BPTF: variants seen among roughly 807,000 people sequenced by gnomAD.
BPTF encodes the protein nucleosome-remodeling factor subunit BPTF.
Under a neutral mutation model 292.5 loss-of-function variants are expected in BPTF, and 18 were observed. The observed-to-expected ratio is 0.06, with a 90% CI of 0.04 to 0.09. The LOEUF is 0.09. Ranked by LOEUF, BPTF falls within the 10% of genes least tolerant of loss-of-function variation. BPTF has a pLI of 1.00. For missense variants in BPTF, 2,726 were observed against 3,498.7 expected, an observed-to-expected ratio of 0.78 and a Z score of 5.57; for synonymous variants, 1,225 against 1,251.9, an observed-to-expected ratio of 0.98 and a Z score of 0.45.
In BPTF at chr17:67,982,363, A is replaced by G; in HGVS notation, c.*75A>G. ...GAACTATTTTAAATTAAGGAGCCAG[A>G]TGTTTTTAGTCAGGCTATCCTGACA... On this transcript the variant is annotated 3_prime_UTR_variant, in exon 28 of 28. Transcript: ENST00000306378. 1.1e-5 allele frequency: 15 copies of G among 1,396,696 alleles called. No homozygotes were observed. The South Asian group carries it at 1.7e-4, about 16-fold the overall frequency. 86.5% of individuals were successfully genotyped at this position (1,396,696 alleles called of 1,614,324 possible).
intron 27 of BPTF, among the ~76,000 whole-genome samples, chr17:67,978,218 G>A (rs536740060): frequency 6.6e-6 from 1 of 151,736 alleles, no homozygotes; most frequent in Non-Finnish European, 1.5e-5. Context: ...GAACTCCTGA[G>A]CTCAAGCGAT....
chr17:67,969,830 G>T (rs148438779), intron 26 of BPTF, among the ~76,000 whole-genome samples: 386 of 152,164 alleles, frequency 2.5e-3, no homozygotes, highest in African/African-American at 9.1e-3. Context: ...GGAGGCTGAG[G>T]CAGGAGAATC....
At chr17:67,914,781 C>G (rs549798016) in intron 11 of BPTF, among the ~76,000 whole-genome samples, 9 of 152,246 alleles carry the variant, frequency 5.9e-5, no homozygotes, top group African/African-American at 2.2e-4. Flanking sequence ...ATTTCTGGAG[C>G]TGAATTTCAT....
intron 15 of BPTF, among the ~76,000 whole-genome samples, chr17:67,927,920 G>A (rs1255087363): frequency 6.6e-6 from 1 of 151,702 alleles, no homozygotes; most frequent in East Asian, 1.9e-4. Flanking sequence ...GAGTCACTCT[G>A]TCACCCAGGC....
intron 15 of BPTF, among the ~76,000 whole-genome samples, chr17:67,927,041 G>T (rs749852337): frequency 1.3e-5 from 2 of 152,094 alleles, no homozygotes; most frequent in African/African-American, 4.8e-5. Context: ...AGGTATATAG[G>T]ATAGGTACAA....
chr17:67,842,755 A>G (rs1246681642), intron 1 of BPTF, among the ~76,000 whole-genome samples: 3 of 149,820 alleles, frequency 2.0e-5, no homozygotes, highest in Non-Finnish European at 4.4e-5. Flanking sequence ...TCTTTAAAGT[A>G]CTGAGAGAAA....
At chr17:67,920,438 C>T (rs1476643291) in intron 13 of BPTF, among the ~76,000 whole-genome samples, 1 of 152,166 alleles carries the variant, frequency 6.6e-6, no homozygotes. Flanking sequence ...GCAGCCATCT[C>T]GTCTGTCTGG....
intron 11 of BPTF, among the ~76,000 whole-genome samples, chr17:67,917,966 C>A (rs1046056716): frequency 6.6e-6 from 1 of 152,144 alleles, no homozygotes; most frequent in Non-Finnish European, 1.5e-5. Context: ...CACCCACCAC[C>A]GCGCCTGGCT....
Position 67,904,014 on chromosome 17 carries a change from T to C in BPTF, c.2673+96T>C, listed in dbSNP as rs576885985. Reference sequence around the variant, plus strand: ...CTTACTAATTTTATTTTTGACATAGTCTTTGTATTTTATTTATTTATTTAT... The same window carrying C: ...CTTACTAATTTTATTTTTGACATAGCCTTTGTATTTTATTTATTTATTTAT... On this transcript the variant is annotated intron_variant, in intron 8 of 27. Transcript: ENST00000306378. The C allele has an allele frequency of 2.5e-3, 2,662 of 1,067,936 alleles. 76 individuals are homozygous for C. The South Asian group carries it at 0.039, about 16-fold the overall frequency. The allele number at this position is 1,067,936 out of a possible 1,614,324, so 66.2% of individuals were successfully genotyped here.
intron 26 of BPTF, among the ~76,000 whole-genome samples, chr17:67,970,624 G>A (rs1408120391): frequency 1.3e-5 from 2 of 152,036 alleles, no homozygotes; most frequent in African/African-American, 4.8e-5. Flanking sequence ...GAACAATATA[G>A]ACTAAATTGA....
intron 23 of BPTF, among the ~76,000 whole-genome samples, chr17:67,957,691 G>C (rs1555681718): frequency 6.6e-6 from 1 of 152,160 alleles, no homozygotes; most frequent in African/African-American, 2.4e-5. Context: ...AACACAGCAA[G>C]ACTCCATCTC....
At chr17:67,964,931 A>T (rs542030601) in intron 25 of BPTF, 2 of 131,292 alleles carry the variant, frequency 1.5e-5, no homozygotes, top group Non-Finnish European at 3.1e-5. Flanking sequence ...CCCGGGAGGC[A>T]GAGCTTGCAG....
At chr17:67,915,546 C>T (rs1456647618) in intron 11 of BPTF, among the ~76,000 whole-genome samples, 1 of 151,864 alleles carries the variant, frequency 6.6e-6, no homozygotes. Flanking sequence ...TCTCTCATGC[C>T]ACCTTCATCT....
chr17:67,826,237 T>C lies in BPTF; in HGVS notation c.513T>C (p.Asp171=). The part of the protein sequence containing the change: ...DEEDEMEEDD[D]DSDYPEEMED... ...AGGATGAGATGGAAGAGGACGACGA[T>C]GACTCCGATTATCCGGAGGAGATGG... The change falls in exon 1 of 28, where the codon GAT becomes GAC. Residue 171 remains aspartate (D), a synonymous_variant. Coordinates refer to ENST00000306378, the MANE Select transcript of BPTF (RefSeq NM_182641.4). 1 of 1,613,398 alleles carries C rather than the reference T, an allele frequency of 6.2e-7. No homozygotes were observed.
intron 15 of BPTF, among the ~76,000 whole-genome samples, chr17:67,927,910 G>T (rs542633148): frequency 7.3e-5 from 11 of 151,546 alleles, no homozygotes; most frequent in African/African-American, 2.7e-4. Context: ...TTTAGAGATG[G>T]AGTCACTCTG....
rs781987073 is a variant in BPTF, at chr17:67,945,661, C to T, written c.6953C>T (p.Ala2318Val). The change falls in exon 21 of 28, where the codon GCA becomes GTA. Residue 2318 changes from alanine (A) to valine (V), a missense_variant. Transcript: ENST00000306378. ...HVPSEAQPTH[A>V]QSSKPQVAAQ... ...CCTTCTGAAGCACAACCCACCCACG[C>T]ACAGTCATCCAAGCCCCAAGTTGCA... 6.2e-7 allele frequency: 1 copy of T among 1,614,126 alleles called. No individual in the cohort carries two copies. Among genetic ancestry groups the T allele is most frequent in the Non-Finnish European group, 8.5e-7 (1 of 1,180,020 alleles).
intron 24 of BPTF, among the ~76,000 whole-genome samples, chr17:67,961,214 T>C (rs2067450367): frequency 6.6e-6 from 1 of 152,228 alleles, no homozygotes; most frequent in African/African-American, 2.4e-5. Flanking sequence ...CTACATTGCA[T>C]AAAATGAGGC....
intron 3 of BPTF, among the ~76,000 whole-genome samples, chr17:67,870,998 C>T (rs1335305655): frequency 2.6e-5 from 4 of 151,732 alleles, no homozygotes; most frequent in Non-Finnish European, 5.9e-5. Flanking sequence ...GTCTCGATCT[C>T]CTGACCTCGT....
Position 67,903,825 on chromosome 17 carries a change from G to C in BPTF, c.2580G>C (p.Lys860Asn). Residue 860 changes from lysine (K) to asparagine (N), a missense_variant, in exon 8 of 28, where the codon AAG becomes AAC. Transcript: ENST00000306378. ...TGACATCAATTGAAAGAGAAGAAAA[G>C]GAGAAAGTCAAAAAAAAAGAGAAGA... ...HRMTSIEREE[K>N]EKVKKKEKKQ... 1 of 1,588,586 alleles carries C rather than the reference G, an allele frequency of 6.3e-7. No homozygotes were observed. The highest frequency in any genetic ancestry group is 8.5e-7 in the Non-Finnish European group (1 of 1,170,790).
Sources: allele counts gnomAD v4.1 joint callset (sites outside exome capture counted in the v4.1 genomes callset), GRCh38; gene constraint gnomAD v4.1.1; transcripts MANE v1.5; gene names NCBI Gene and HGNC (gene_info 2026-07-23, HGNC 2026-07-21).